HDX: variants seen among roughly 807,000 people sequenced by gnomAD.
HDX encodes chromosome X open reading frame 43.
In HDX, 19 loss-of-function variants were observed where a neutral mutation model predicts 45.2. The observed-to-expected ratio is 0.42, with a 90% CI of 0.29 to 0.62. HDX has a LOEUF of 0.62. Among genes scored for constraint, HDX ranks in the 20% least tolerant of loss-of-function variants. The probability of loss-of-function intolerance (pLI) is 0.20; values close to 1 mark genes in which losing one functional copy is unlikely to be tolerated. For synonymous variants in HDX, 188 were observed against 172.8 expected, an observed-to-expected ratio of 1.09 and a Z score of -0.69; for missense variants, 532 against 493.9, an observed-to-expected ratio of 1.08 and a Z score of -0.73.
At chrX:84,398,779 A>T (rs1257687064) in intron 5 of HDX, among the ~76,000 whole-genome samples, 3 of 112,317 alleles carry the variant, frequency 2.7e-5, no homozygotes, top group African/African-American at 9.7e-5. Flanking sequence ...TCTCAGTGCC[A>T]CATGGCACTT....
At chrX:84,379,968 C>T (rs1387339384) in intron 5 of HDX, among the ~76,000 whole-genome samples, 1 of 110,190 alleles carries the variant, frequency 9.1e-6, no homozygotes, top group African/African-American at 3.3e-5. Context: ...ATTGACAAAC[C>T]TTTAGCGACA....
chrX:84,417,858 A>G (rs766153896), intron 5 of HDX, among the ~76,000 whole-genome samples: 1 of 111,847 alleles, frequency 8.9e-6, no homozygotes, highest in South Asian at 3.7e-4. Flanking sequence ...GGCTTGGAAA[A>G]CACACAGAAT....
Position 84,469,070 on chromosome X carries a change from C to T in HDX, c.653G>A (p.Arg218Gln), listed in dbSNP as rs183707330. Reference protein sequence around the residue: ...TVPQKPSVCHRPCKIEPVGIQ... With the variant: ...TVPQKPSVCHQPCKIEPVGIQ... ...CCCAACTGGTTCAATTTTACAAGGTCGGTGGCACACAGAAGGCTTTTGAGG... is the reference window on the plus strand; with the variant it reads ...CCCAACTGGTTCAATTTTACAAGGTTGGTGGCACACAGAAGGCTTTTGAGG... The change falls in exon 4 of 11, where the codon CGA becomes CAA. Residue 218 changes from arginine to glutamine, a missense_variant. Arg to Gln is a conservative substitution (Grantham distance 43). Around this residue, in one of 3 missense-constraint regions of HDX, gnomAD observed 376 missense variants for 343.7 expected, o/e 1.09. Transcript: ENST00000373177. 1.5e-5 allele frequency: 18 copies of T among 1,210,004 alleles called. No individual in the cohort carries two copies. In the East Asian group the frequency reaches 4.7e-4, roughly 32 times the overall value.
chrX:84,457,115 CAT>C (rs1334163565), intron 4 of HDX, among the ~76,000 whole-genome samples: 1 of 111,717 alleles, frequency 9.0e-6, no homozygotes, highest in Non-Finnish European at 1.9e-5. Flanking sequence ...GAATAGACCA[CAT>C]GTTAGGCCAC....
intron 7 of HDX, among the ~76,000 whole-genome samples, chrX:84,341,192 C>G (rs774398976): frequency 4.5e-5 from 5 of 110,796 alleles, no homozygotes; most frequent in Non-Finnish European, 9.5e-5. Flanking sequence ...CACCACTCAG[C>G]AGGCTCTAAA....
In HDX at chrX:84,369,497, T is replaced by C. The variant is rs764131353; in HGVS notation, c.1306-7885A>G. ...CATTTTTTGAGAAACCTCCATACTG[T>C]TTTCCCCAGCAGATATACCATCTCA... On this transcript the variant is annotated intron_variant, in intron 5 of 10. Transcript: ENST00000373177. 8.9e-5 allele frequency among the ~76,000 whole-genome samples: 10 copies of C among 112,223 alleles called. No individual in the cohort carries two copies. The East Asian group carries it at 2.8e-3, about 32-fold the overall frequency.
chrX:84,346,553 T>C (rs2037210794), intron 6 of HDX, among the ~76,000 whole-genome samples: 1 of 111,220 alleles, frequency 9.0e-6, no homozygotes, highest in African/African-American at 3.3e-5. Context: ...TGAAACAGAA[T>C]AGAGAACCCA....
intron 9 of HDX, among the ~76,000 whole-genome samples, chrX:84,327,542 A>T (rs1282970484): frequency 8.9e-6 from 1 of 112,030 alleles, no homozygotes; most frequent in South Asian, 3.7e-4. Flanking sequence ...AGATAAAAAA[A>T]GTATTGTCTT....
At chrX:84,418,714 T>C (rs1309333284) in intron 5 of HDX, among the ~76,000 whole-genome samples, 2 of 111,463 alleles carry the variant, frequency 1.8e-5, no homozygotes, top group African/African-American at 6.5e-5. Context: ...CTCTTAGGCA[T>C]GTTTTAGGGC....
Position 84,412,648 on chromosome X carries a change from T to G in HDX, c.1305+27884A>C, listed in dbSNP as rs1464861494. The stretch of plus-strand genomic sequence containing the variant: ...TGGAGAATCTGATGACTGCGTGTCT[T>G]TGGGATGGTCATCTTGTATAGTATC... On this transcript the variant is annotated intron_variant, in intron 5 of 10. Coordinates refer to ENST00000373177, the MANE Select transcript of HDX (RefSeq NM_001177479.2). Among the ~76,000 whole-genome samples, 4 of 111,241 alleles carry G rather than the reference T, an allele frequency of 3.6e-5. No homozygotes were observed. The East Asian group carries it at 8.6e-4, about 24-fold the overall frequency.
intron 6 of HDX, among the ~76,000 whole-genome samples, chrX:84,358,071 C>T (rs946598553): frequency 4.5e-5 from 5 of 111,961 alleles, no homozygotes; most frequent in African/African-American, 1.6e-4. Flanking sequence ...AACTGCCATG[C>T]TAGCTGTAAA....
At chrX:84,405,244 A>C (rs1471094638) in intron 5 of HDX, among the ~76,000 whole-genome samples, 1 of 110,632 alleles carries the variant, frequency 9.0e-6, no homozygotes, top group East Asian at 2.8e-4. Context: ...TTCATAACTA[A>C]GTCCAACTTA....
intron 2 of HDX, among the ~76,000 whole-genome samples, chrX:84,479,744 A>T (rs1391296739): frequency 8.9e-6 from 1 of 112,005 alleles, no homozygotes; most frequent in East Asian, 2.8e-4. Context: ...ATTTTTTAAA[A>T]ATTAGCCATT....
chrX:84,405,448 G>C (rs2147967205), intron 5 of HDX, among the ~76,000 whole-genome samples: 1 of 110,138 alleles, frequency 9.1e-6, no homozygotes, highest in African/African-American at 3.3e-5. Context: ...AGCATTAAGT[G>C]AATTAAAACT....
chrX:84,338,193 C>A (rs1226670066), intron 7 of HDX, among the ~76,000 whole-genome samples: 1 of 110,336 alleles, frequency 9.1e-6, no homozygotes, highest in African/African-American at 3.3e-5. Context: ...AAAATGTGGT[C>A]GATCCAGGAA....
At chrX:84,402,796 G>A (rs1386507875) in intron 5 of HDX, among the ~76,000 whole-genome samples, 2 of 111,048 alleles carry the variant, frequency 1.8e-5, no homozygotes, top group Admixed American at 9.7e-5. Context: ...ATATTCCCAC[G>A]TGCAATAAAT....
intron 7 of HDX, among the ~76,000 whole-genome samples, chrX:84,342,538 T>A (rs1049614042): frequency 6.5e-5 from 7 of 108,137 alleles, no homozygotes; most frequent in African/African-American, 1.0e-4. Flanking sequence ...TGTGTGTGTG[T>A]GAGAGAGAGA....
chrX:84,399,348 C>G (rs2038643836), intron 5 of HDX, among the ~76,000 whole-genome samples: 1 of 109,764 alleles, frequency 9.1e-6, no homozygotes, highest in Non-Finnish European at 1.9e-5. Context: ...AGAGAAGTAT[C>G]AAATAGACAA....
intron 5 of HDX, among the ~76,000 whole-genome samples, chrX:84,418,144 C>T (rs1307187769): frequency 9.0e-6 from 1 of 111,694 alleles, no homozygotes; most frequent in Non-Finnish European, 1.9e-5. Flanking sequence ...AAAATGAGGC[C>T]TGTTCTTTTT....
Sources: allele counts gnomAD v4.1 joint callset (sites outside exome capture counted in the v4.1 genomes callset), GRCh38; gene constraint gnomAD v4.1.1; regional missense constraint gnomAD v4.1.1; transcripts MANE v1.5; gene names NCBI Gene and HGNC (gene_info 2026-07-23, HGNC 2026-07-21).